Variants in SLC24A3 observed in about 807,000 individuals in gnomAD.
SLC24A3 encodes the protein solute carrier family 24 member 3, also known as sodium/potassium/calcium exchanger 3.
SLC24A3 carries 28 observed loss-of-function variants against 75.8 expected under a neutral mutation model. That is an observed-to-expected ratio of 0.37 (90% CI 0.27 to 0.51). The LOEUF is 0.51. Among genes scored for constraint, SLC24A3 ranks in the 20% least tolerant of loss-of-function variants. The pLI, the probability that SLC24A3 is intolerant of heterozygous loss-of-function variation, is 0.94. For missense variants in SLC24A3, 663 were observed against 847.8 expected (o/e 0.78, Z 2.71); for synonymous variants, 372 against 334.1 (o/e 1.11, Z -1.24).
intron 2 of SLC24A3, among the ~76,000 whole-genome samples, chr20:19,453,964 G>T (rs868657656): frequency 1.3e-5 from 2 of 152,200 alleles, no homozygotes; most frequent in African/African-American, 4.8e-5. Context: ...GCTAAACAGC[G>T]CCAACACTGC....
chr20:19,599,617 G>C (rs1279936463), intron 6 of SLC24A3, among the ~76,000 whole-genome samples: 1 of 152,218 alleles, frequency 6.6e-6, no homozygotes. Flanking sequence ...GCTGCCTCCT[G>C]TTAGACACTG....
intron 1 of SLC24A3, chr20:19,257,562 TG>T (rs746463019): frequency 7.9e-5 from 12 of 152,232 alleles, no homozygotes; most frequent in Non-Finnish European, 1.2e-4. Flanking sequence ...AGGATGATGT[TG>T]GGAAGCATCT....
intron 15 of SLC24A3, among the ~76,000 whole-genome samples, chr20:19,699,323 G>T (rs780158141): frequency 2.0e-5 from 3 of 152,244 alleles, no homozygotes; most frequent in Non-Finnish European, 4.4e-5. Flanking sequence ...GGCGGGGAGA[G>T]GGGGAGAGGG....
intron 2 of SLC24A3, among the ~76,000 whole-genome samples, chr20:19,451,853 C>T (rs1354645023): frequency 1.3e-5 from 2 of 152,220 alleles, no homozygotes; most frequent in African/African-American, 2.4e-5. Flanking sequence ...CAAAGGGAAT[C>T]AACTTGGTCT....
chr20:19,485,504 T>C (rs1385512680), intron 2 of SLC24A3, among the ~76,000 whole-genome samples: 1 of 152,220 alleles, frequency 6.6e-6, no homozygotes, highest in East Asian at 1.9e-4. Flanking sequence ...AGACTGAGTA[T>C]CCTGGTTGTA....
chr20:19,634,466 C>G (rs140053618), intron 6 of SLC24A3, among the ~76,000 whole-genome samples: 2 of 152,194 alleles, frequency 1.3e-5, no homozygotes, highest in East Asian at 3.9e-4. Flanking sequence ...AGGCTTGTCC[C>G]AAAATGTTCA....
intron 8 of SLC24A3, among the ~76,000 whole-genome samples, chr20:19,668,367 G>A (rs571924609): frequency 1.4e-4 from 21 of 152,124 alleles, no homozygotes; most frequent in African/African-American, 3.4e-4. Flanking sequence ...GAAATGGTGC[G>A]TCTAGGTGCT....
At chr20:19,419,680 A>C (rs957741697) in intron 2 of SLC24A3, among the ~76,000 whole-genome samples, 9 of 152,132 alleles carry the variant, frequency 5.9e-5, no homozygotes, top group Non-Finnish European at 1.3e-4. Flanking sequence ...TCTTTGCAGC[A>C]GCTGCCCTTT....
At chr20:19,633,007 T>C (rs886296371) in intron 6 of SLC24A3, among the ~76,000 whole-genome samples, 6 of 152,224 alleles carry the variant, frequency 3.9e-5, no homozygotes, top group African/African-American at 1.4e-4. Context: ...ATAAAATGCA[T>C]GTAAGCATGG....
At chr20:19,649,087 T>G (rs1032827323) in intron 6 of SLC24A3, among the ~76,000 whole-genome samples, 2 of 152,236 alleles carry the variant, frequency 1.3e-5, no homozygotes, top group Admixed American at 1.3e-4. Context: ...GCAATCATTT[T>G]GCAAAGGGCT....
intron 2 of SLC24A3, among the ~76,000 whole-genome samples, chr20:19,382,431 A>G (rs1007807586): frequency 1.3e-5 from 2 of 152,220 alleles, no homozygotes; most frequent in African/African-American, 4.8e-5. Flanking sequence ...ACTCATGAGA[A>G]TCATAGTGAT....
chr20:19,541,952 G>A (rs976940180), intron 3 of SLC24A3, among the ~76,000 whole-genome samples: 1 of 152,162 alleles, frequency 6.6e-6, no homozygotes, highest in African/African-American at 2.4e-5. Flanking sequence ...ACAGGGAGAG[G>A]AAAAAGCCTC....
At chr20:19,432,816 T>A (rs1470079972) in intron 2 of SLC24A3, among the ~76,000 whole-genome samples, 1 of 152,246 alleles carries the variant, frequency 6.6e-6, no homozygotes, top group Non-Finnish European at 1.5e-5. Context: ...TAGAAATTCA[T>A]GTGAATGCTT....
intron 15 of SLC24A3, among the ~76,000 whole-genome samples, chr20:19,717,081 A>G (rs1376869324): frequency 6.6e-6 from 1 of 152,240 alleles, no homozygotes; most frequent in Non-Finnish European, 1.5e-5. Context: ...ATTTTGGTGC[A>G]AAAGAGATGA....
At chr20:19,404,716 A>G (rs1447893781) in intron 2 of SLC24A3, among the ~76,000 whole-genome samples, 1 of 152,190 alleles carries the variant, frequency 6.6e-6, no homozygotes, top group Non-Finnish European at 1.5e-5. Flanking sequence ...TGGTCTGTTC[A>G]GAGTGCAAGC....
rs2032492210 is a variant in SLC24A3 at position 19,673,517 on chromosome 20, G to A, written c.714-84G>A. The A allele has an allele frequency of 1.1e-5, 13 of 1,196,574 alleles. No individual in the cohort carries two copies. In the Admixed American group the frequency reaches 2.2e-4, roughly 20 times the overall value. 74.1% of individuals were successfully genotyped at this position (1,196,574 alleles called of 1,614,324 possible). On this transcript the variant is annotated intron_variant, in intron 8 of 16. Transcript: ENST00000328041. Reference sequence around the variant, plus strand: ...CTTCTCCTTACTATCCTGGCCGTTTGCATCAAATATGTCTTTAAAAATGAG... The same window carrying A: ...CTTCTCCTTACTATCCTGGCCGTTTACATCAAATATGTCTTTAAAAATGAG...
intron 6 of SLC24A3, among the ~76,000 whole-genome samples, chr20:19,596,538 T>C (rs1417408709): frequency 2.0e-5 from 3 of 152,196 alleles, no homozygotes; most frequent in African/African-American, 7.2e-5. Flanking sequence ...AGAAAGTTGG[T>C]AGGGTCTCTG....
chr20:19,503,294 C>T (rs1320127555), intron 2 of SLC24A3, among the ~76,000 whole-genome samples: 1 of 152,168 alleles, frequency 6.6e-6, no homozygotes, highest in East Asian at 1.9e-4. Context: ...AGCCCTGTGA[C>T]AGTTCAAGGA....
rs1983145468 is a variant in SLC24A3 at position 19,265,680 on chromosome 20, G to A, written c.143-15279G>A. 3 of 152,426 alleles carry A rather than the reference G, an allele frequency of 2.0e-5. No individual in the cohort carries two copies. In the South Asian group the frequency reaches 6.2e-4, roughly 32 times the overall value. The allele number at this position is 152,426 out of a possible 1,614,324, so 9.4% of individuals were successfully genotyped here. On this transcript the variant is annotated intron_variant, in intron 1 of 16. Coordinates refer to ENST00000328041, the MANE Select transcript of SLC24A3 (RefSeq NM_020689.4). ...GGCTTCAGGTATCAGGGGCTGAAAT[G>A]TGATGACATCAGGACCTTGCCTATC...
Sources: allele counts gnomAD v4.1 joint callset (sites outside exome capture counted in the v4.1 genomes callset), GRCh38; gene constraint gnomAD v4.1.1; transcripts MANE v1.5; gene names NCBI Gene and HGNC (gene_info 2026-07-23, HGNC 2026-07-21).